FILIP1: variants seen among roughly 807,000 people sequenced by gnomAD.
FILIP1 encodes the protein filamin A interacting protein 1, also known as filamin-A-interacting protein 1.
Under a neutral mutation model 102.1 loss-of-function variants are expected in FILIP1, and 61 were observed. That is an observed-to-expected ratio of 0.60 (90% confidence interval 0.49 to 0.74). The LOEUF (loss-of-function observed/expected upper bound fraction) is 0.74. FILIP1 is among the 30% of genes least tolerant of loss of function. The pLI, the probability that FILIP1 is intolerant of heterozygous loss-of-function variation, is 0.00. For missense variants in FILIP1, 1,314 were observed against 1,441.2 expected (o/e 0.91, Z 1.43); for synonymous variants, 491 against 526.9 (o/e 0.93, Z 0.93).
At chr6:75,473,053 G>A (rs1779375135) in intron 1 of FILIP1, among the ~76,000 whole-genome samples, 1 of 152,134 alleles carries the variant, frequency 6.6e-6, no homozygotes, top group African/African-American at 2.4e-5. Context: ...CTGTGGGTAT[G>A]GTAGAGCAAA....
rs541677825 is a variant in FILIP1 at position 75,407,392 on chromosome 6, A to AT, written c.276+7304dup. On this transcript the variant is annotated intron_variant, in intron 2 of 5. Transcript: ENST00000237172. ...AGGCACCTGCCACCACACCCAGCTA[A>AT]TTTTTTTGTATTTTTAGTAGAGACG... Among the ~76,000 whole-genome samples the AT allele has an allele frequency of 9.7e-4, 148 of 151,840 alleles. 1 individual carries two copies. The East Asian group carries it at 0.021, about 22-fold the overall frequency.
chr6:75,355,155 C>T (rs1312254376), intron 3 of FILIP1, among the ~76,000 whole-genome samples: 1 of 151,676 alleles, frequency 6.6e-6, no homozygotes, highest in Non-Finnish European at 1.5e-5. Flanking sequence ...ATTAGCCAGG[C>T]GTGTTGGCAG....
intron 1 of FILIP1, among the ~76,000 whole-genome samples, chr6:75,492,690 G>T (rs948950542): frequency 5.9e-5 from 9 of 152,116 alleles, no homozygotes; most frequent in Non-Finnish European, 1.3e-4. Context: ...CAACTTAACA[G>T]AAAATGTTTT....
chr6:75,332,347 A>G (rs1035537397), intron 4 of FILIP1, among the ~76,000 whole-genome samples: 1 of 152,196 alleles, frequency 6.6e-6, no homozygotes, highest in Non-Finnish European at 1.5e-5. Context: ...AGCAGGTACT[A>G]TTCTTTCTTT....
At chr6:75,411,561 T>C (rs578094168) in intron 2 of FILIP1, among the ~76,000 whole-genome samples, 2 of 152,256 alleles carry the variant, frequency 1.3e-5, no homozygotes, top group Non-Finnish European at 2.9e-5. Context: ...GTCTTATGTT[T>C]AAATCTTTAA....
At chr6:75,432,829 C>A (rs1442831979) in intron 1 of FILIP1, among the ~76,000 whole-genome samples, 3 of 151,972 alleles carry the variant, frequency 2.0e-5, no homozygotes, top group Non-Finnish European at 4.4e-5. Flanking sequence ...TATCCCTTCC[C>A]CCTCCCCCCA....
At chr6:75,361,148 C>A (rs1775161284) in intron 3 of FILIP1, among the ~76,000 whole-genome samples, 1 of 152,188 alleles carries the variant, frequency 6.6e-6, no homozygotes, top group African/African-American at 2.4e-5. Context: ...ATGAAATATG[C>A]CCAGCTTAGC....
intron 2 of FILIP1, among the ~76,000 whole-genome samples, chr6:75,409,840 T>C (rs1295979419): frequency 6.6e-6 from 1 of 152,138 alleles, no homozygotes; most frequent in Non-Finnish European, 1.5e-5. Flanking sequence ...ACCAGTCCTA[T>C]GGCCCCCACC....
chr6:75,404,566 T>C (rs1051210452), intron 2 of FILIP1, among the ~76,000 whole-genome samples: 4 of 152,186 alleles, frequency 2.6e-5, no homozygotes, highest in African/African-American at 9.7e-5. Context: ...CCATTAGTGT[T>C]TGTATTTGTA....
At chr6:75,375,663 T>C (rs1206220045) in intron 2 of FILIP1, among the ~76,000 whole-genome samples, 1 of 152,190 alleles carries the variant, frequency 6.6e-6, no homozygotes, top group African/African-American at 2.4e-5. Context: ...GCTGGAGATA[T>C]GGGTAAAGCA....
intron 1 of FILIP1, among the ~76,000 whole-genome samples, chr6:75,476,416 T>C (rs1289445907): frequency 1.3e-5 from 2 of 152,146 alleles, no homozygotes; most frequent in Non-Finnish European, 2.9e-5. Context: ...TAAGAGATTA[T>C]ACCCTCAGTT....
chr6:75,403,252 GC>G (rs1776716758), intron 2 of FILIP1, among the ~76,000 whole-genome samples: 1 of 152,062 alleles, frequency 6.6e-6, no homozygotes, highest in African/African-American at 2.4e-5. Context: ...AGTTGTTCAT[GC>G]CTATAATCCT....
Position 75,479,868 on chromosome 6 carries a change from C to CAAAAAAAA in FILIP1, c.-7+13538_-7+13545dup, listed in dbSNP as rs58566488. Reference sequence around the variant, plus strand: ...TGGGCCACAGAGTAAAGCTGTATCTCAAAAAAAAAAAAAAAAAAAAAAAAA... The same window carrying CAAAAAAAA: ...TGGGCCACAGAGTAAAGCTGTATCTCAAAAAAAAAAAAAAAAAAAAAAAAAAAAAAAAA... On this transcript the variant is annotated intron_variant, in intron 1 of 5. Coordinates refer to ENST00000237172, the MANE Select transcript of FILIP1 (RefSeq NM_015687.5). Among the ~76,000 whole-genome samples the CAAAAAAAA allele has an allele frequency of 8.9e-4, 38 of 42,868 alleles. 7 individuals are homozygous for CAAAAAAAA. Among genetic ancestry groups the CAAAAAAAA allele is most frequent in the Non-Finnish European group, 1.6e-3 (37 of 23,322 alleles). 28.1% of individuals were successfully genotyped at this position (42,868 alleles called of 152,430 possible). A position where few individuals can be genotyped will look rare whatever the true frequency, so the allele number is the denominator to read the frequency against.
At chr6:75,428,946 G>C (rs1777724727) in intron 1 of FILIP1, among the ~76,000 whole-genome samples, 1 of 152,092 alleles carries the variant, frequency 6.6e-6, no homozygotes, top group Non-Finnish European at 1.5e-5. Context: ...AGCTGGAGTT[G>C]GGTAGTAGCT....
intron 1 of FILIP1, among the ~76,000 whole-genome samples, chr6:75,475,824 T>G (rs1779458686): frequency 6.6e-6 from 1 of 152,218 alleles, no homozygotes; most frequent in Non-Finnish European, 1.5e-5. Context: ...ATGATAATAG[T>G]CATCTCGTGC....
At chr6:75,322,233 C>T (rs2149565246) in intron 4 of FILIP1, among the ~76,000 whole-genome samples, 1 of 152,094 alleles carries the variant, frequency 6.6e-6, no homozygotes, top group South Asian at 2.1e-4. Flanking sequence ...CAACAATTTC[C>T]TAATAGTTAC....
intron 3 of FILIP1, among the ~76,000 whole-genome samples, chr6:75,356,539 G>T (rs1775007152): frequency 6.6e-6 from 1 of 151,630 alleles, no homozygotes; most frequent in Non-Finnish European, 1.5e-5. Context: ...CACGATCTTG[G>T]CTCACTGCAA....
chr6:75,370,915 T>C (rs1468507640), intron 2 of FILIP1, among the ~76,000 whole-genome samples: 2 of 152,150 alleles, frequency 1.3e-5, no homozygotes, highest in Non-Finnish European at 2.9e-5. Context: ...AAAGAAAATA[T>C]GTAAACTGAA....
At chr6:75,400,024 C>T (rs1776598417) in intron 2 of FILIP1, among the ~76,000 whole-genome samples, 1 of 152,096 alleles carries the variant, frequency 6.6e-6, no homozygotes, top group African/African-American at 2.4e-5. Context: ...AGCAGGAACC[C>T]ATCTGGTTCC....
Sources: allele counts gnomAD v4.1 joint callset (sites outside exome capture counted in the v4.1 genomes callset), GRCh38; gene constraint gnomAD v4.1.1; transcripts MANE v1.5; gene names NCBI Gene and HGNC (gene_info 2026-07-23, HGNC 2026-07-21).